Variants in ADAMTS6 observed in about 807,000 individuals in gnomAD.
The protein encoded by ADAMTS6 is A disintegrin and metalloproteinase with thrombospondin motifs 6.
In ADAMTS6, 23 loss-of-function variants were observed where a neutral mutation model predicts 144.3. The observed-to-expected ratio is 0.16, with a 90% CI of 0.11 to 0.23. The LOEUF is 0.23. Among genes scored for constraint, ADAMTS6 ranks in the 10% least tolerant of loss-of-function variants. ADAMTS6 has a pLI of 1.00. For synonymous variants in ADAMTS6, 444 were observed against 457.5 expected, an observed-to-expected ratio of 0.97 and a Z score of 0.38; for missense variants, 999 against 1,379.6, an observed-to-expected ratio of 0.72 and a Z score of 4.37.
intron 15 of ADAMTS6, among the ~76,000 whole-genome samples, chr5:65,231,102 A>T (rs57655242): frequency 0.59 from 88,722 of 149,810 alleles, 27,549 homozygotes; most frequent in African/African-American, 0.8. Flanking sequence ...AATTTTTTTT[A>T]AAAAAAAACA....
intron 20 of ADAMTS6, among the ~76,000 whole-genome samples, chr5:65,203,128 G>A (rs1033676821): frequency 6.6e-6 from 1 of 152,142 alleles, no homozygotes; most frequent in African/African-American, 2.4e-5. Flanking sequence ...GTACCAGTGC[G>A]AGGTACATGT....
chr5:65,340,514 T>C (rs953799375), intron 7 of ADAMTS6, among the ~76,000 whole-genome samples: 3 of 151,630 alleles, frequency 2.0e-5, no homozygotes, highest in Non-Finnish European at 2.9e-5. Context: ...AACCACCCAA[T>C]GGTAAAAGTA....
At chr5:65,195,394 C>A (rs1328545665) in intron 21 of ADAMTS6, among the ~76,000 whole-genome samples, 2 of 152,194 alleles carry the variant, frequency 1.3e-5, no homozygotes, top group Non-Finnish European at 2.9e-5. Context: ...TTGAAAAGAA[C>A]TCAATGTAAA....
Position 65,187,894 on chromosome 5 carries a change from C to T in ADAMTS6, c.2910+122G>A, listed in dbSNP as rs144389491. 1.3e-4 allele frequency: 121 copies of T among 930,580 alleles called. No individual in the cohort carries two copies. In the African/African-American group the frequency reaches 1.6e-3, roughly 12 times the overall value. 57.6% of individuals were successfully genotyped at this position (930,580 alleles called of 1,614,324 possible). A position where few individuals can be genotyped will look rare whatever the true frequency, so the allele number is the denominator to read the frequency against. ...AAGCAGCAATAAAATATAACATGGT[C>T]ACTGTTACACAGCCCTTACTTGTTG... On this transcript the variant is annotated intron_variant, in intron 22 of 24. Transcript: ENST00000381055.
chr5:65,430,269 T>C (rs1337066151), intron 7 of ADAMTS6, among the ~76,000 whole-genome samples: 1 of 151,782 alleles, frequency 6.6e-6, no homozygotes, highest in Non-Finnish European at 1.5e-5. Context: ...AAAGACTTGG[T>C]ACCCCTACAA....
intron 1 of ADAMTS6, among the ~76,000 whole-genome samples, chr5:65,479,652 A>G (rs935096586): frequency 3.9e-5 from 6 of 152,178 alleles, no homozygotes; most frequent in Admixed American, 6.5e-5. Context: ...TTCACTCACT[A>G]AAGTCACAAA....
At chr5:65,378,770 T>C (rs1751777609) in intron 7 of ADAMTS6, among the ~76,000 whole-genome samples, 1 of 152,222 alleles carries the variant, frequency 6.6e-6, no homozygotes, top group Non-Finnish European at 1.5e-5. Flanking sequence ...GCTTGTATCA[T>C]TCACTGCTAT....
chr5:65,465,858 G>C (rs995819493), intron 3 of ADAMTS6, among the ~76,000 whole-genome samples: 1 of 152,126 alleles, frequency 6.6e-6, no homozygotes, highest in Non-Finnish European at 1.5e-5. Context: ...ATGCCCAAGG[G>C]CTCAGTCCTT....
At chr5:65,194,759 A>C (rs1325174500) in intron 21 of ADAMTS6, among the ~76,000 whole-genome samples, 2 of 152,204 alleles carry the variant, frequency 1.3e-5, no homozygotes, top group African/African-American at 4.8e-5. Flanking sequence ...TATTCTCTGT[A>C]TCTTTTCTTT....
At chr5:65,460,136 C>A (rs753161485) in intron 4 of ADAMTS6, 34 bp downstream of exon 4, 1 of 1,610,204 alleles carries the variant, frequency 6.2e-7, no homozygotes, top group African/African-American at 1.3e-5. Flanking sequence ...CAATCCAGTA[C>A]AATACGCTTT....
chr5:65,264,667 T>A (rs1761467515), intron 12 of ADAMTS6, among the ~76,000 whole-genome samples: 1 of 152,254 alleles, frequency 6.6e-6, no homozygotes, highest in Admixed American at 6.5e-5. Flanking sequence ...TGTGGCTATT[T>A]AAATTTAAAT....
At chr5:65,181,700 T>C (rs1285517296) in intron 22 of ADAMTS6, among the ~76,000 whole-genome samples, 2 of 152,190 alleles carry the variant, frequency 1.3e-5, no homozygotes, top group African/African-American at 4.8e-5. Context: ...TGACAATACA[T>C]AGTAAATATG....
chr5:65,158,942 A>C (rs1752588014), intron 24 of ADAMTS6, among the ~76,000 whole-genome samples: 1 of 151,874 alleles, frequency 6.6e-6, no homozygotes, highest in Admixed American at 6.6e-5. Context: ...TTTATTTTTT[A>C]ATCTTATTCA....
intron 15 of ADAMTS6, among the ~76,000 whole-genome samples, chr5:65,237,553 A>G (rs938190505): frequency 1.3e-5 from 2 of 152,138 alleles, no homozygotes; most frequent in Non-Finnish European, 2.9e-5. Context: ...GGAAGAGATA[A>G]CACCAATCCT....
At chr5:65,386,414 T>G (rs1241612344) in intron 7 of ADAMTS6, among the ~76,000 whole-genome samples, 2 of 152,198 alleles carry the variant, frequency 1.3e-5, no homozygotes, top group Non-Finnish European at 2.9e-5. Flanking sequence ...GTTTGTGTCC[T>G]TATAAGGCAT....
At chr5:65,376,450 CA>C (rs988442215) in intron 7 of ADAMTS6, among the ~76,000 whole-genome samples, 4 of 146,122 alleles carry the variant, frequency 2.7e-5, no homozygotes, top group East Asian at 2.0e-4. Flanking sequence ...GACTCCATCT[CA>C]AAAAAAAAGG....
At chr5:65,300,347 A>G (rs1340946576) in intron 9 of ADAMTS6, among the ~76,000 whole-genome samples, 1 of 152,232 alleles carries the variant, frequency 6.6e-6, no homozygotes, top group Admixed American at 6.5e-5. Flanking sequence ...CTTTAAATGT[A>G]ATCACATACT....
At chr5:65,249,436 G>A (rs1352641650) in intron 14 of ADAMTS6, among the ~76,000 whole-genome samples, 1 of 152,098 alleles carries the variant, frequency 6.6e-6, no homozygotes, top group Non-Finnish European at 1.5e-5. Flanking sequence ...CCTAAGGGAA[G>A]AATCATGAGA....
intron 7 of ADAMTS6, among the ~76,000 whole-genome samples, chr5:65,394,695 A>G (rs568031312): frequency 6.6e-6 from 1 of 152,170 alleles, no homozygotes; most frequent in Non-Finnish European, 1.5e-5. Context: ...ATATGGATCT[A>G]ATATAAAATC....
Sources: allele counts gnomAD v4.1 joint callset (sites outside exome capture counted in the v4.1 genomes callset), GRCh38; gene constraint gnomAD v4.1.1; transcripts MANE v1.5; gene names NCBI Gene and HGNC (gene_info 2026-07-23, HGNC 2026-07-21).